Variants in ZNF407 observed in about 807,000 individuals in gnomAD.
ZNF407 encodes the protein zinc finger protein 407.
Under a neutral mutation model 131.2 loss-of-function variants are expected in ZNF407, and 17 were observed. The ratio of observed to expected loss-of-function variants is 0.13; its 90% CI spans 0.09 to 0.19. The LOEUF is 0.19. Ranked by LOEUF, ZNF407 falls within the 10% of genes least tolerant of loss-of-function variation. The pLI is 1.00. For synonymous variants in ZNF407, 1,156 were observed against 1,062.0 expected (o/e 1.09, Z -1.72); for missense variants, 2,681 against 2,830.6 (o/e 0.95, Z 1.20).
intron 3 of ZNF407, among the ~76,000 whole-genome samples, chr18:74,693,539 A>T (rs1967279794): frequency 6.6e-6 from 1 of 152,090 alleles, no homozygotes; most frequent in African/African-American, 2.4e-5. Context: ...CAAGGTTGAG[A>T]ATTTGTATTT....
Position 74,634,295 on chromosome 18 carries a change from AAACATCATT to A in ZNF407, c.3278_3286del (p.Asn1093_Ile1095del). 1.2e-6 allele frequency: 2 copies of A among 1,614,044 alleles called. No homozygotes were observed. Among genetic ancestry groups the A allele is most frequent in the Non-Finnish European group, 1.7e-6 (2 of 1,179,890 alleles). The stretch of plus-strand genomic sequence containing the variant: ...AAGCTGGTTCTGCAGACATGTCCAA[AAACATCATT>A]ATGCCTGAAGAAGAGCATCAACAAA... On this transcript the variant is annotated inframe_deletion, in exon 2 of 9. Coordinates refer to ENST00000299687, the MANE Select transcript of ZNF407 (RefSeq NM_017757.3).
chr18:74,888,864 C>T (rs1971346880), intron 6 of ZNF407, among the ~76,000 whole-genome samples: 1 of 152,124 alleles, frequency 6.6e-6, no homozygotes, highest in Non-Finnish European at 1.5e-5. Flanking sequence ...ATCTTCGTGT[C>T]CTCTGCAAGC....
intron 1 of ZNF407, among the ~76,000 whole-genome samples, chr18:74,608,614 T>C (rs1356843968): frequency 1.3e-5 from 2 of 152,226 alleles, no homozygotes; most frequent in Non-Finnish European, 2.9e-5. Flanking sequence ...CTCAAAGTGC[T>C]GGGATTACAG....
chr18:74,775,834 G>T lies in ZNF407; in HGVS notation c.4803-5594G>T, dbSNP rs149947372. On this transcript the variant is annotated intron_variant, in intron 3 of 8. Transcript: ENST00000299687. ...AGTCATGGCAGAAAGTTAAAGTGGG[G>T]TGACATGTCTCACATGGCTGGAGCA... Among the ~76,000 whole-genome samples, 583 of 152,266 alleles carry T rather than the reference G, an allele frequency of 3.8e-3. 4 individuals carry two copies. The highest frequency in any genetic ancestry group is 0.014 in the African/African-American group (570 of 41,566).
At chr18:74,906,945 C>T (rs1351533928) in intron 7 of ZNF407, among the ~76,000 whole-genome samples, 2 of 152,148 alleles carry the variant, frequency 1.3e-5, no homozygotes, top group Admixed American at 6.5e-5. Flanking sequence ...TGTGCACACA[C>T]ACTGTATGTG....
At chr18:75,051,269 C>G (rs1973497116) in intron 8 of ZNF407, among the ~76,000 whole-genome samples, 2 of 152,092 alleles carry the variant, frequency 1.3e-5, no homozygotes, top group Admixed American at 1.3e-4. Context: ...CACTTAGGAC[C>G]TAGGTTTTTC....
chr18:74,923,304 CTT>C (rs201372058), intron 8 of ZNF407, among the ~76,000 whole-genome samples: 13 of 139,640 alleles, frequency 9.3e-5, no homozygotes, highest in Non-Finnish European at 9.4e-5. Flanking sequence ...TTCTGGTTAT[CTT>C]TTTTTTTTTT....
chr18:74,604,693 CAG>C (rs781170744), intron 1 of ZNF407, among the ~76,000 whole-genome samples: 10 of 152,192 alleles, frequency 6.6e-5, no homozygotes, highest in Non-Finnish European at 1.2e-4. Context: ...TAAATAAACA[CAG>C]AATTCAATGG....
Position 74,635,044 on chromosome 18 carries a change from G to T in ZNF407, c.4025G>T (p.Ser1342Ile). Residue 1342 changes from serine to isoleucine, a missense_variant, in exon 2 of 9, where the codon AGT (serine) becomes ATT (isoleucine). Around this residue, in one of 6 missense-constraint regions of ZNF407, gnomAD observed 1,789 missense variants for 1,748.7 expected, o/e 1.02. Coordinates refer to ENST00000299687, the MANE Select transcript of ZNF407 (RefSeq NM_017757.3). This position sits in a 1 kb window ranked among gnomAD's most constrained non-coding sequence, Gnocchi z 4.7. The stretch of plus-strand genomic sequence containing the variant: ...AGTGATGTCTATGAAACTATAATTA[G>T]TATTGATGATAAAGGGCAGGCCATG... ...ESSDVYETII[S>I]IDDKGQAMYS... The T allele has an allele frequency of 6.2e-7, 1 of 1,613,928 alleles. No individual in the cohort carries two copies. Among genetic ancestry groups the T allele is most frequent in the Non-Finnish European group, 8.5e-7 (1 of 1,179,890 alleles).
chr18:75,012,382 CATA>C, intron 8 of ZNF407, among the ~76,000 whole-genome samples: 3 of 76,316 alleles, frequency 3.9e-5, no homozygotes, highest in East Asian at 8.7e-4. Flanking sequence ...TGTATGTACA[CATA>C]GTGTATGTAC....
chr18:74,725,156 G>A (rs1004037735), intron 3 of ZNF407, among the ~76,000 whole-genome samples: 1 of 151,534 alleles, frequency 6.6e-6, no homozygotes, highest in South Asian at 2.1e-4. Flanking sequence ...TTTCTTTTGA[G>A]ACAGAGTTTC....
At chr18:75,027,944 G>A (rs372535616) in intron 8 of ZNF407, among the ~76,000 whole-genome samples, 7 of 152,174 alleles carry the variant, frequency 4.6e-5, no homozygotes, top group East Asian at 3.9e-4. Context: ...GAGAGAACAC[G>A]CTGCTGCACT....
At chr18:74,976,582 T>C (rs1015071021) in intron 8 of ZNF407, among the ~76,000 whole-genome samples, 22 of 152,232 alleles carry the variant, frequency 1.4e-4, no homozygotes, top group Admixed American at 3.9e-4. Context: ...CATTCAAGGC[T>C]GCCAATAACC....
Position 75,065,442 on chromosome 18 carries a change from G to C in ZNF407, c.*974G>C, listed in dbSNP as rs545055696. 1 of 152,226 alleles carries C rather than the reference G, an allele frequency of 6.6e-6. No individual in the cohort carries two copies. The highest frequency in any genetic ancestry group is 1.9e-4 in the East Asian group (1 of 5,198). 9.4% of individuals were successfully genotyped at this position (152,226 alleles called of 1,614,324 possible). Reference sequence around the variant, plus strand: ...CCTGCCGTGGCTGCCAGCATGGTCTGTGTTTCCTTGTGGATTCACCTGTGG... The same window carrying C: ...CCTGCCGTGGCTGCCAGCATGGTCTCTGTTTCCTTGTGGATTCACCTGTGG... On this transcript the variant is annotated 3_prime_UTR_variant, in exon 9 of 9. Coordinates refer to ENST00000299687, the MANE Select transcript of ZNF407 (RefSeq NM_017757.3).
At chr18:74,902,486 A>G (rs1300986506) in intron 7 of ZNF407, among the ~76,000 whole-genome samples, 2 of 152,190 alleles carry the variant, frequency 1.3e-5, no homozygotes, top group Non-Finnish European at 2.9e-5. Context: ...GAGACTTACA[A>G]GGGACAAAGG....
rs560238776 is a variant in ZNF407 at position 75,042,245 on chromosome 18, T to C, written c.5429-20905T>C. Among the ~76,000 whole-genome samples, 4 of 152,206 alleles carry C rather than the reference T, an allele frequency of 2.6e-5. No individual in the cohort carries two copies. The East Asian group carries it at 7.7e-4, about 29-fold the overall frequency. On this transcript the variant is annotated intron_variant, in intron 8 of 8. Coordinates refer to ENST00000299687, the MANE Select transcript of ZNF407 (RefSeq NM_017757.3). Reference sequence around the variant, plus strand: ...CAACAGTAAAAGTAAAATGTAGAAGTAAAAGACAGTTCAGCCTTATGATTT... The same window carrying C: ...CAACAGTAAAAGTAAAATGTAGAAGCAAAAGACAGTTCAGCCTTATGATTT...
At chr18:74,806,568 T>A (rs1421957199) in intron 4 of ZNF407, among the ~76,000 whole-genome samples, 2 of 152,146 alleles carry the variant, frequency 1.3e-5, no homozygotes, top group African/African-American at 4.8e-5. Flanking sequence ...GTTGTGAGGA[T>A]CAAACAAGAT....
rs1260841347 is a variant in ZNF407, at chr18:75,064,548, A to G, written c.*80A>G. The G allele has an allele frequency of 1.6e-6, 2 of 1,263,754 alleles. No individual in the cohort carries two copies. The highest frequency in any genetic ancestry group is 2.6e-5 in the East Asian group (1 of 38,970). 78.3% of individuals were successfully genotyped at this position (1,263,754 alleles called of 1,614,324 possible). On this transcript the variant is annotated 3_prime_UTR_variant, in exon 9 of 9. Coordinates refer to ENST00000299687, the MANE Select transcript of ZNF407 (RefSeq NM_017757.3). The stretch of plus-strand genomic sequence containing the variant: ...TGGGGGACCGTGTTCCCTGAGCTTC[A>G]TCTGAAACCTTCAAAACCATGAGGA...
At chr18:75,007,768 C>T (rs909310147) in intron 8 of ZNF407, among the ~76,000 whole-genome samples, 1 of 152,110 alleles carries the variant, frequency 6.6e-6, no homozygotes, top group African/African-American at 2.4e-5. Flanking sequence ...AGTTCTTAAC[C>T]TAGCAGAAGA....
Sources: allele counts gnomAD v4.1 joint callset (sites outside exome capture counted in the v4.1 genomes callset), GRCh38; gene constraint gnomAD v4.1.1; regional missense constraint gnomAD v4.1.1; non-coding constraint Gnocchi (gnomAD v3.1); transcripts MANE v1.5; gene names NCBI Gene and HGNC (gene_info 2026-07-23, HGNC 2026-07-21).